Variants in SLC1A2 observed in about 807,000 individuals in gnomAD.
SLC1A2 encodes excitatory amino acid transporter 2.
SLC1A2 carries 15 observed loss-of-function variants against 48.8 expected under a neutral mutation model. The ratio of observed to expected loss-of-function variants is 0.31; its 90% CI spans 0.21 to 0.47. The LOEUF is 0.47. Ranked by LOEUF, SLC1A2 falls within the 20% of genes least tolerant of loss-of-function variation. The pLI, the probability that SLC1A2 is intolerant of heterozygous loss-of-function variation, is 0.99. For missense variants in SLC1A2, 502 were observed against 730.5 expected (o/e 0.69, Z 3.61); for synonymous variants, 279 against 272.6 (o/e 1.02, Z -0.23).
At chr11:35,347,243 G>T (rs562024604) in intron 1 of SLC1A2, among the ~76,000 whole-genome samples, 1 of 152,204 alleles carries the variant, frequency 6.6e-6, no homozygotes, top group Non-Finnish European at 1.5e-5. Flanking sequence ...GAAGAAGTGC[G>T]AAGGAGCAAT....
intron 1 of SLC1A2, among the ~76,000 whole-genome samples, chr11:35,349,371 G>A (rs562820323): frequency 2.0e-5 from 3 of 152,234 alleles, no homozygotes; most frequent in Non-Finnish European, 4.4e-5. Flanking sequence ...ATGAATCCTC[G>A]GAGGCATAGA....
intron 1 of SLC1A2, among the ~76,000 whole-genome samples, chr11:35,355,545 AT>A (rs1853424231): frequency 6.6e-6 from 1 of 152,224 alleles, no homozygotes; most frequent in Non-Finnish European, 1.5e-5. Context: ...GAAGTGGTCA[AT>A]GCACCAGCTG....
intron 1 of SLC1A2, among the ~76,000 whole-genome samples, chr11:35,406,301 G>C (rs906629293): frequency 1.3e-5 from 2 of 152,098 alleles, no homozygotes; most frequent in Non-Finnish European, 2.9e-5. Context: ...TGATGAACTA[G>C]TCTTCAAAGT....
chr11:35,293,827 A>G (rs577582542), intron 6 of SLC1A2, among the ~76,000 whole-genome samples: 4 of 152,318 alleles, frequency 2.6e-5, no homozygotes, highest in African/African-American at 9.6e-5. Context: ...AGACACATAT[A>G]TATGAATACT....
chr11:35,254,619 T>C lies in SLC1A2; in HGVS notation c.*6275A>G. 3.1e-6 allele frequency: 1 copy of C among 327,290 alleles called. No individual in the cohort carries two copies. The highest frequency in any genetic ancestry group is 2.4e-5 in the South Asian group (1 of 42,060). The allele number at this position is 327,290 out of a possible 1,614,324, so 20.3% of individuals were successfully genotyped here. On this transcript the variant is annotated 3_prime_UTR_variant, in exon 11 of 11. Transcript: ENST00000278379. ...AAGGAGTGAGGCTCCGACTGCAACA[T>C]CTCCATCTCCAGTGAGGATGATGAC...
chr11:35,310,242 A>G (rs566509207), intron 4 of SLC1A2, among the ~76,000 whole-genome samples: 8 of 152,148 alleles, frequency 5.3e-5, no homozygotes, highest in Admixed American at 3.3e-4. Flanking sequence ...CTCTCCCCCA[A>G]TCTACTACCA....
At chr11:35,371,426 A>G (rs1029077923) in intron 1 of SLC1A2, among the ~76,000 whole-genome samples, 1 of 152,172 alleles carries the variant, frequency 6.6e-6, no homozygotes. Flanking sequence ...GACTTTGGTG[A>G]CCAATGGCCA....
intron 8 of SLC1A2, among the ~76,000 whole-genome samples, chr11:35,282,308 A>G (rs1296874357): frequency 6.6e-6 from 1 of 152,170 alleles, no homozygotes; most frequent in Non-Finnish European, 1.5e-5. Context: ...AAAGTTCTGC[A>G]GTTGAACAAC....
At chr11:35,387,413 C>A (rs540918888) in intron 1 of SLC1A2, among the ~76,000 whole-genome samples, 2 of 152,136 alleles carry the variant, frequency 1.3e-5, no homozygotes, top group African/African-American at 2.4e-5. Flanking sequence ...GATGAGGAGG[C>A]AAGAACATCC....
chr11:35,289,190 C>A (rs1850917028), intron 7 of SLC1A2, among the ~76,000 whole-genome samples: 1 of 152,226 alleles, frequency 6.6e-6, no homozygotes, highest in Non-Finnish European at 1.5e-5. Flanking sequence ...CTCCCTGACA[C>A]CAGCCTCTGG....
intron 1 of SLC1A2, chr11:35,380,614 A>G (rs753337016): frequency 2.6e-6 from 1 of 391,580 alleles, no homozygotes; most frequent in Non-Finnish European, 4.5e-6. Context: ...ATTCTGTTCC[A>G]TCAGGAACCC....
Position 35,311,211 on chromosome 11 carries a change from G to A in SLC1A2, c.561+987C>T, listed in dbSNP as rs370071830. 5.3e-4 allele frequency among the ~76,000 whole-genome samples: 80 copies of A among 152,036 alleles called. No individual in the cohort carries two copies. In the South Asian group the frequency reaches 0.016, roughly 30 times the overall value. On this transcript the variant is annotated intron_variant, in intron 4 of 10. Transcript: ENST00000278379. ...GACAGTATGTCACTCCGTCTCCCAGGCTGGAGTGCAGTGGCTCTGCTCACT... is the reference window on the plus strand; with the variant it reads ...GACAGTATGTCACTCCGTCTCCCAGACTGGAGTGCAGTGGCTCTGCTCACT...
chr11:35,312,523 C>CGTTA lies in SLC1A2; in HGVS notation c.311-79_311-76dup, dbSNP rs767944152. ...ATGACCTGTGTCTACATTTCTATGA[C>CGTTA]GTTAGCTTCATATTACTCAAATGTG... is the stretch of plus-strand genomic sequence containing the variant. On this transcript the variant is annotated intron_variant, in intron 3 of 10. Coordinates refer to ENST00000278379, the MANE Select transcript of SLC1A2 (RefSeq NM_004171.4). 1.1e-4 allele frequency: 169 copies of CGTTA among 1,492,192 alleles called. 2 individuals carry two copies. The highest frequency in any genetic ancestry group is 2.0e-4 in the Middle Eastern group (1 of 5,106). The allele number at this position is 1,492,192 out of a possible 1,614,324, so 92.4% of individuals were successfully genotyped here. A position where few individuals can be genotyped will look rare whatever the true frequency, so the allele number is the denominator to read the frequency against.
chr11:35,328,556 A>G (rs1852321124), intron 1 of SLC1A2, among the ~76,000 whole-genome samples: 2 of 152,224 alleles, frequency 1.3e-5, no homozygotes, highest in African/African-American at 2.4e-5. Context: ...AATGGATGGT[A>G]GAGCTAGGAT....
intron 8 of SLC1A2, among the ~76,000 whole-genome samples, chr11:35,284,115 T>A (rs1250888462): frequency 1.0e-5 from 1 of 95,526 alleles, no homozygotes; most frequent in Admixed American, 1.2e-4. Flanking sequence ...ATATATAAAT[T>A]ATTATTTTGC....
chr11:35,287,323 GA>G (rs1850856732), intron 7 of SLC1A2, among the ~76,000 whole-genome samples: 1 of 150,882 alleles, frequency 6.6e-6, no homozygotes, highest in African/African-American at 2.4e-5. Flanking sequence ...TGTCAGAAAA[GA>G]ATCAGCTATC....
chr11:35,279,512 T>TG (rs1473510802), intron 9 of SLC1A2, among the ~76,000 whole-genome samples: 1 of 152,214 alleles, frequency 6.6e-6, no homozygotes, highest in East Asian at 1.9e-4. Flanking sequence ...CTCACACTGC[T>TG]GGTAGCCTCA....
At chr11:35,350,314 T>C (rs116141812) in intron 1 of SLC1A2, among the ~76,000 whole-genome samples, 41 of 152,354 alleles carry the variant, frequency 2.7e-4, no homozygotes, top group African/African-American at 9.6e-4. Flanking sequence ...TCTTGTTTTA[T>C]CTTGTAGGAT....
At chr11:35,406,430 G>A (rs907607926) in intron 1 of SLC1A2, among the ~76,000 whole-genome samples, 4 of 152,126 alleles carry the variant, frequency 2.6e-5, no homozygotes, top group African/African-American at 9.7e-5. Flanking sequence ...CCTATTTTAG[G>A]TGGAATGGGA....
Sources: gnomAD v4.1 joint callset for allele counts (sites outside exome capture counted in the v4.1 genomes callset) on GRCh38, gnomAD v4.1.1 for gene constraint, MANE v1.5 for transcripts, NCBI Gene and HGNC (gene_info 2026-07-23, HGNC 2026-07-21) for gene names.